ARHGAP42: variants seen among roughly 807,000 people sequenced by gnomAD.
The protein encoded by ARHGAP42 is Rho GTPase activating protein 42.
Under a neutral mutation model 125.0 loss-of-function variants are expected in ARHGAP42, and 63 were observed. That is an observed-to-expected ratio of 0.50 (90% CI 0.41 to 0.62). The LOEUF (loss-of-function observed/expected upper bound fraction) is 0.62. Among genes scored for constraint, ARHGAP42 ranks in the 20% least tolerant of loss-of-function variants. The pLI, the probability that ARHGAP42 is intolerant of heterozygous loss-of-function variation, is 0.00. For missense variants in ARHGAP42, 766 were observed against 1,024.2 expected, an observed-to-expected ratio of 0.75 and a Z score of 3.44; for synonymous variants, 339 against 351.0, an observed-to-expected ratio of 0.97 and a Z score of 0.38.
chr11:100,948,554 C>G lies in ARHGAP42; in HGVS notation c.1122+19C>G, dbSNP rs1449522849. On this transcript the variant is annotated intron_variant, in intron 11 of 23. Coordinates refer to ENST00000298815, the MANE Select transcript of ARHGAP42 (RefSeq NM_152432.4). ...GGAACCGGTAAGACTATGACACATTCTATAATTTAGGTTTTATTGTCCTAA... is the reference window on the plus strand; with the variant it reads ...GGAACCGGTAAGACTATGACACATTGTATAATTTAGGTTTTATTGTCCTAA... The G allele has an allele frequency of 2.2e-5, 34 of 1,529,852 alleles. No homozygotes were observed. The highest frequency in any genetic ancestry group is 2.9e-5 in the Non-Finnish European group (33 of 1,133,654). 94.8% of individuals were successfully genotyped at this position (1,529,852 alleles called of 1,614,324 possible). A position where few individuals can be genotyped will look rare whatever the true frequency, so the allele number is the denominator to read the frequency against.
intron 1 of ARHGAP42, among the ~76,000 whole-genome samples, chr11:100,748,337 C>T (rs1043214856): frequency 1.3e-5 from 2 of 152,182 alleles, no homozygotes; most frequent in African/African-American, 2.4e-5. Context: ...GTTTCCATAT[C>T]ACTCTCTGAA....
intron 4 of ARHGAP42, among the ~76,000 whole-genome samples, chr11:100,910,402 C>T (rs183074436): frequency 6.6e-6 from 1 of 152,184 alleles, no homozygotes; most frequent in East Asian, 1.9e-4. Flanking sequence ...TAAATGATTA[C>T]TTAATTGAAA....
intron 3 of ARHGAP42, among the ~76,000 whole-genome samples, chr11:100,815,960 G>A (rs1254300276): frequency 6.6e-6 from 1 of 152,154 alleles, no homozygotes; most frequent in Non-Finnish European, 1.5e-5. Context: ...ATTCATTCAT[G>A]TTGTAGCATG....
chr11:100,987,806 AAAATAAATAAATAAAT>A (rs5794089), intron 23 of ARHGAP42, among the ~76,000 whole-genome samples: 13,758 of 142,508 alleles, frequency 0.097, 923 homozygotes, highest in Non-Finnish European at 0.13. Flanking sequence ...CCCAACCCAC[AAAATAAATAAATAAAT>A]AAATAAATAA....
chr11:100,977,526 A>C (rs1858424076), intron 21 of ARHGAP42, among the ~76,000 whole-genome samples: 1 of 152,232 alleles, frequency 6.6e-6, no homozygotes, highest in Non-Finnish European at 1.5e-5. Flanking sequence ...GGAGAAGGGT[A>C]CATAGACATG....
chr11:100,988,882 G>A lies in ARHGAP42; in HGVS notation c.*81G>A, dbSNP rs767610490. ...ATGATTTTATCTGACACAGATACAC[G>A]GGGATCAGCCCACTAAGTGAAAACA... On this transcript the variant is annotated 3_prime_UTR_variant, in exon 24 of 24. Transcript: ENST00000298815. The A allele has an allele frequency of 1.1e-5, 11 of 1,019,578 alleles. No individual in the cohort carries two copies. Among genetic ancestry groups the A allele is most frequent in the Admixed American group, 4.2e-5 (2 of 47,832 alleles). 63.2% of individuals were successfully genotyped at this position (1,019,578 alleles called of 1,614,324 possible). A position where few individuals can be genotyped will look rare whatever the true frequency, so the allele number is the denominator to read the frequency against.
chr11:100,833,894 A>G (rs985418227), intron 3 of ARHGAP42, among the ~76,000 whole-genome samples: 1 of 152,202 alleles, frequency 6.6e-6, no homozygotes, highest in Non-Finnish European at 1.5e-5. Flanking sequence ...AAAACTAGGT[A>G]GGTAGATACT....
At chr11:100,779,557 CAT>C (rs1386376506) in intron 2 of ARHGAP42, among the ~76,000 whole-genome samples, 2 of 137,818 alleles carry the variant, frequency 1.5e-5, no homozygotes, top group South Asian at 2.2e-4. Flanking sequence ...TATACATATA[CAT>C]ACGTATATAT....
intron 3 of ARHGAP42, among the ~76,000 whole-genome samples, chr11:100,827,968 T>C (rs984285441): frequency 6.6e-6 from 1 of 152,164 alleles, no homozygotes; most frequent in African/African-American, 2.4e-5. Flanking sequence ...TTAGAGGCTT[T>C]TTATTTCCTA....
At chr11:100,781,159 A>C (rs1312657806) in intron 2 of ARHGAP42, among the ~76,000 whole-genome samples, 1 of 151,968 alleles carries the variant, frequency 6.6e-6, no homozygotes, top group Non-Finnish European at 1.5e-5. Flanking sequence ...GGTATTGTAC[A>C]ATAGGTGTTT....
intron 22 of ARHGAP42, among the ~76,000 whole-genome samples, chr11:100,987,185 A>G (rs1255371829): frequency 6.6e-6 from 1 of 152,192 alleles, no homozygotes; most frequent in African/African-American, 2.4e-5. Flanking sequence ...CATAGCTGTA[A>G]AAACAGCCTA....
intron 1 of ARHGAP42, among the ~76,000 whole-genome samples, chr11:100,714,249 C>A (rs1861613284): frequency 6.6e-6 from 1 of 152,280 alleles, no homozygotes; most frequent in East Asian, 1.9e-4. Flanking sequence ...CCTGTCAAGT[C>A]AATTCTTAAA....
intron 4 of ARHGAP42, among the ~76,000 whole-genome samples, chr11:100,903,709 A>AAAATAT (rs1332890022): frequency 9.0e-4 from 57 of 63,462 alleles, no homozygotes; most frequent in African/African-American, 3.6e-3. Flanking sequence ...TGTCCCTCAA[A>AAAATAT]ATATATATAT....
At chr11:100,927,544 T>A (rs1033523333) in intron 6 of ARHGAP42, among the ~76,000 whole-genome samples, 33 of 152,180 alleles carry the variant, frequency 2.2e-4, no homozygotes, top group Non-Finnish European at 4.0e-4. Context: ...GTGAACAGAA[T>A]TTTGTAAAAG....
intron 4 of ARHGAP42, among the ~76,000 whole-genome samples, chr11:100,871,738 T>G (rs1228024963): frequency 1.3e-5 from 2 of 152,116 alleles, no homozygotes; most frequent in African/African-American, 4.8e-5. Context: ...AACATCACTG[T>G]TAGGTTCATT....
chr11:100,892,449 AAGTC>A (rs1326693124), intron 4 of ARHGAP42, among the ~76,000 whole-genome samples: 1 of 151,850 alleles, frequency 6.6e-6, no homozygotes, highest in Non-Finnish European at 1.5e-5. Flanking sequence ...GTGTTAGACT[AAGTC>A]AGTTTCTAAA....
chr11:100,695,510 G>A (rs1179510469), intron 1 of ARHGAP42, among the ~76,000 whole-genome samples: 4 of 152,056 alleles, frequency 2.6e-5, no homozygotes, highest in African/African-American at 9.7e-5. Flanking sequence ...TCACCATGTT[G>A]GTCAGGCTGG....
intron 1 of ARHGAP42, among the ~76,000 whole-genome samples, chr11:100,732,740 A>G (rs1861981863): frequency 6.6e-6 from 1 of 152,186 alleles, no homozygotes; most frequent in South Asian, 2.1e-4. Flanking sequence ...TGACTGGCTT[A>G]TGTCTTATTC....
At chr11:100,972,538 G>GGAT (rs1858276560) in intron 17 of ARHGAP42, among the ~76,000 whole-genome samples, 1 of 151,590 alleles carries the variant, frequency 6.6e-6, no homozygotes, top group Non-Finnish European at 1.5e-5. Flanking sequence ...ATGGATGGAT[G>GGAT]GATGGATGGA....
Sources: gnomAD v4.1 joint callset for allele counts (sites outside exome capture counted in the v4.1 genomes callset) on GRCh38, gnomAD v4.1.1 for gene constraint, MANE v1.5 for transcripts, NCBI Gene and HGNC (gene_info 2026-07-23, HGNC 2026-07-21) for gene names.